The following PFKFB2 variants were observed in gnomAD, a reference collection of about 807,000 sequenced individuals.
PFKFB2 encodes the protein 6-phosphofructo-2-kinase/fructose-2,6-bisphosphatase 2.
In PFKFB2, 53 loss-of-function variants were observed where a neutral mutation model predicts 68.0. The observed-to-expected ratio is 0.78, with a 90% CI of 0.63 to 0.98. PFKFB2 has a LOEUF of 0.98. Ranked by LOEUF, PFKFB2 falls within the 50% of genes least tolerant of loss-of-function variation. The pLI is 0.00. For synonymous variants in PFKFB2, 222 were observed against 227.6 expected (o/e 0.98, Z 0.22); for missense variants, 451 against 642.0 (o/e 0.70, Z 3.22).
At position 207,070,834 on chromosome 1, in the gene PFKFB2, A is replaced by G. The variant is rs772471330; in HGVS notation, c.1223-354A>G. 43 of 279,858 alleles carry G rather than the reference A, an allele frequency of 1.5e-4. No individual in the cohort carries two copies. The highest frequency in any genetic ancestry group is 2.1e-4 in the Non-Finnish European group (31 of 146,240). 17.3% of individuals were successfully genotyped at this position (279,858 alleles called of 1,614,324 possible). On this transcript the variant is annotated intron_variant, in intron 12 of 14. Transcript: ENST00000367080. This position sits in a 1 kb window ranked among gnomAD's most constrained non-coding sequence, Gnocchi z 4.2. ...TTCCCGATCTTCGGGAGCTCCTGGGAAGCCTGCATTGTGGATGCTGAGCTC... is the reference window on the plus strand; with the variant it reads ...TTCCCGATCTTCGGGAGCTCCTGGGGAGCCTGCATTGTGGATGCTGAGCTC...
upstream of PFKFB2, among the ~76,000 whole-genome samples, chr1:207,051,596 G>A (rs1364092211): frequency 6.6e-6 from 1 of 152,180 alleles, no homozygotes. Flanking sequence ...CTGGGCCCAG[G>A]GCAGCTGCCT....
chr1:207,067,473 AT>A lies in PFKFB2; in HGVS notation c.633-16del, dbSNP rs139506084. ...ATTCTCAGATCTTCTTACCTAGGGA[AT>A]TTTTTTTTTCCTTTCCTGTCCCAGG... On this transcript the variant is annotated intron_variant, in intron 8 of 14. Coordinates refer to ENST00000367080, the MANE Select transcript of PFKFB2 (RefSeq NM_006212.2). 8.2e-3 allele frequency: 11,904 copies of A among 1,451,176 alleles called. 590 individuals are homozygous for A. In the African/African-American group the frequency reaches 0.13, roughly 16 times the overall value. The allele number at this position is 1,451,176 out of a possible 1,614,324, so 89.9% of individuals were successfully genotyped here. A position where few individuals can be genotyped will look rare whatever the true frequency, so the allele number is the denominator to read the frequency against.
intron 14 of PFKFB2, 108 bp from the exon 15 acceptor site, chr1:207,072,096 G>A (rs1451277883): frequency 5.9e-6 from 9 of 1,526,454 alleles, no homozygotes; most frequent in Non-Finnish European, 7.0e-6. Context: ...TGTGTGCAGA[G>A]GAGCAGGAGT....
At chr1:207,049,250 G>A (rs747490516), upstream of PFKFB2, 7 of 1,613,974 alleles carry the variant, frequency 4.3e-6, no homozygotes, top group African/African-American at 2.7e-5. Flanking sequence ...GGGAAGTTAC[G>A]CTGAAGTGGA....
At chr1:207,054,337 C>T (rs985221810) in intron 1 of PFKFB2, among the ~76,000 whole-genome samples, 1 of 152,164 alleles carries the variant, frequency 6.6e-6, no homozygotes, top group Non-Finnish European at 1.5e-5. Context: ...AATCTGAGGT[C>T]ATGAAACCTT....
chr1:207,047,242 T>G (rs145706392), intron 2 of PFKFB2: 72 of 152,676 alleles, frequency 4.7e-4, no homozygotes, highest in African/African-American at 1.7e-3. Context: ...CACTTTTAAG[T>G]TATGCTGACC....
rs1428400640 is a variant in PFKFB2 at position 207,063,245 on chromosome 1, C to T, written c.375+36C>T. On this transcript the variant is annotated intron_variant, in intron 5 of 14. Transcript: ENST00000367080. The surrounding 1 kb of genome is among the most constrained non-coding windows in gnomAD (Gnocchi z 4.1). ...TCTGCTGCTTCTTCTTTCTGGTCCC[C>T]ACCCTTGCAGCAGCCTGGCTACCCA... 1.2e-6 allele frequency: 2 copies of T among 1,602,322 alleles called. No individual in the cohort carries two copies. Among genetic ancestry groups the T allele is most frequent in the South Asian group, 1.1e-5 (1 of 90,840 alleles).
Position 207,053,275 on chromosome 1 carries a change from G to C in PFKFB2, c.-109G>C, listed in dbSNP as rs1682808639. The C allele has an allele frequency of 6.5e-6, 1 of 152,718 alleles. No individual in the cohort carries two copies. The highest frequency in any genetic ancestry group is 6.5e-5 in the Admixed American group (1 of 15,298). The allele number at this position is 152,718 out of a possible 1,614,324, so 9.5% of individuals were successfully genotyped here. On this transcript the variant is annotated 5_prime_UTR_variant, in exon 1 of 15. Transcript: ENST00000367080. ...ATGATTTGCCGGCGACTGTAGCGCC[G>C]GTCCCGGCCACAAGCTGTCGGCTCG...
At position 207,063,885 on chromosome 1, in the gene PFKFB2, T is replaced by G. The variant is rs1171335317; in HGVS notation, c.507+56T>G. The G allele has an allele frequency of 1.8e-5, 15 of 850,080 alleles. No homozygotes were observed. Among genetic ancestry groups the G allele is most frequent in the South Asian group, 6.0e-5 (4 of 66,868 alleles). 52.7% of individuals were successfully genotyped at this position (850,080 alleles called of 1,614,324 possible). ...TTCACCTTTTGTGCTGTGTGTGTTG[T>G]GGGGTGTGTGTGTGTGTGTGTGTGT... On this transcript the variant is annotated intron_variant, in intron 7 of 14. Transcript: ENST00000367080. This position sits in a 1 kb window ranked among gnomAD's most constrained non-coding sequence, Gnocchi z 4.1.
In PFKFB2 at chr1:207,077,721, C is replaced by G. The variant is rs533736039; in HGVS notation, c.*5350C>G. The G allele has an allele frequency of 1.0e-6, 1 of 984,904 alleles. No individual in the cohort carries two copies. Among genetic ancestry groups the G allele is most frequent in the East Asian group, 1.1e-4 (1 of 8,832 alleles). The allele number at this position is 984,904 out of a possible 1,614,324, so 61.0% of individuals were successfully genotyped here. ...GACACTGATAACAAAGTATGCCACTCAGATCCATTTAAAGTGTGCATAACT... is the reference window on the plus strand; with the variant it reads ...GACACTGATAACAAAGTATGCCACTGAGATCCATTTAAAGTGTGCATAACT... On this transcript the variant is annotated 3_prime_UTR_variant, in exon 15 of 15. Coordinates refer to ENST00000367080, the MANE Select transcript of PFKFB2 (RefSeq NM_006212.2).
intron 8 of PFKFB2, among the ~76,000 whole-genome samples, chr1:207,066,311 G>T (rs1683287683): frequency 1.3e-5 from 2 of 152,212 alleles, no homozygotes; most frequent in Non-Finnish European, 2.9e-5. Flanking sequence ...TGCATTCAGG[G>T]CAGTTAACAG....
chr1:207,040,053 C>T (rs944866230), intron 1 of PFKFB2, among the ~76,000 whole-genome samples: 5 of 152,152 alleles, frequency 3.3e-5, no homozygotes, highest in Non-Finnish European at 5.9e-5. Context: ...AGAGCTGCAC[C>T]ATAGGAGTGA....
chr1:207,071,732 A>AT (rs1268457611), intron 14 of PFKFB2, among the ~76,000 whole-genome samples, 159 bp downstream of exon 14: 3 of 125,146 alleles, frequency 2.4e-5, no homozygotes, highest in South Asian at 3.2e-4. Context: ...TGATGTTGGA[A>AT]TTATTTTTTT....
In PFKFB2 at chr1:207,071,550, A is replaced by G; in HGVS notation, c.1327A>G (p.Asn443Asp). The change falls in exon 14 of 15, where the codon AAC becomes GAC. Residue 443 changes from asparagine to aspartate, a missense_variant. Coordinates refer to ENST00000367080, the MANE Select transcript of PFKFB2 (RefSeq NM_006212.2). Reference sequence around the variant, plus strand: ...AATTAAACTTAACGTGGAGGCTGTGAACACGCACCGTGACAAGCCAACTGT... The same window carrying G: ...AATTAAACTTAACGTGGAGGCTGTGGACACGCACCGTGACAAGCCAACTGT... ...ETIKLNVEAV[N>D]THRDKPTNNF... The G allele has an allele frequency of 6.2e-7, 1 of 1,613,836 alleles. No homozygotes were observed. The highest frequency in any genetic ancestry group is 8.5e-7 in the Non-Finnish European group (1 of 1,179,726).
chr1:207,065,770 T>C lies in PFKFB2; in HGVS notation c.632+610T>C, dbSNP rs1683269289. Among the ~76,000 whole-genome samples, 4 of 152,328 alleles carry C rather than the reference T, an allele frequency of 2.6e-5. No homozygotes were observed. In the South Asian group the frequency reaches 8.3e-4, roughly 32 times the overall value. On this transcript the variant is annotated intron_variant, in intron 8 of 14. Transcript: ENST00000367080. The stretch of plus-strand genomic sequence containing the variant: ...TTTGTTGTAGGACCTGTCCTGTGCA[T>C]TGTAGGATGTTCAGCAGCTTCCCTG...
chr1:207,048,300 A>T (rs1328796484), upstream of PFKFB2: 1 of 152,722 alleles, frequency 6.5e-6, no homozygotes, highest in Non-Finnish European at 1.5e-5. Flanking sequence ...AACAGGGCAC[A>T]ATCAGTTCCT....
At chr1:207,046,380 A>G (rs936106015) in intron 2 of PFKFB2, 4 of 152,110 alleles carry the variant, frequency 2.6e-5, no homozygotes, top group Admixed American at 2.6e-4. Context: ...ACAGTAAAAA[A>G]TGAAAAAACA....
chr1:207,078,979 G>A (rs199893469), downstream of PFKFB2: 26 of 1,612,168 alleles, frequency 1.6e-5, no homozygotes, highest in East Asian at 5.6e-4. Context: ...CTGGCTGTGC[G>A]CAGACGCCCC....
chr1:207,063,330 G>A lies in PFKFB2; in HGVS notation c.376-17G>A. The A allele has an allele frequency of 6.2e-7, 1 of 1,606,754 alleles. No individual in the cohort carries two copies. Among genetic ancestry groups the A allele is most frequent in the Non-Finnish European group, 8.5e-7 (1 of 1,173,304 alleles). On this transcript the variant is annotated splice_polypyrimidine_tract_variant and intron_variant, in intron 5 of 14. Coordinates refer to ENST00000367080, the MANE Select transcript of PFKFB2 (RefSeq NM_006212.2). This position sits in a 1 kb window ranked among gnomAD's most constrained non-coding sequence, Gnocchi z 4.1. ...TTCTCTGTTCCTGCTCATTTACCTT[G>A]TGTACTTTCTTCACAGGTGTTTGAT...
Sources: allele counts gnomAD v4.1 joint callset (sites outside exome capture counted in the v4.1 genomes callset), GRCh38; gene constraint gnomAD v4.1.1; non-coding constraint Gnocchi (gnomAD v3.1); transcripts MANE v1.5; gene names NCBI Gene and HGNC (gene_info 2026-07-23, HGNC 2026-07-21).